CRCT1: variants seen among roughly 807,000 people sequenced by gnomAD.
CRCT1 encodes the protein cysteine rich C-terminal 1.
For synonymous variants in CRCT1, 86 were observed against 60.3 expected (o/e 1.43, Z -1.98); for missense variants, 160 against 136.3 (o/e 1.17, Z -0.87).
At chr1:152,515,302 A>G (rs147353021) in intron 1 of CRCT1, 60 bp from the exon 2 acceptor site, 1 of 1,380,074 alleles carries the variant, frequency 7.2e-7, no homozygotes, top group Non-Finnish European at 9.7e-7. Context: ...AAGCCCAGAC[A>G]GAGTTCCATT....
chr1:152,515,741 G>T lies in CRCT1; in HGVS notation c.*58G>T. ...AACCCGCCCAGCCCAGAGCGGGCCC[G>T]CCCCGCTGCGGCTCCCACGCGGGGC... On this transcript the variant is annotated 3_prime_UTR_variant, in exon 2 of 2. Transcript: ENST00000368790. 1 of 1,412,194 alleles carries T rather than the reference G, an allele frequency of 7.1e-7. No homozygotes were observed. The highest frequency in any genetic ancestry group is 1.6e-5 in the South Asian group (1 of 62,804). The allele number at this position is 1,412,194 out of a possible 1,614,324, so 87.5% of individuals were successfully genotyped here.
chr1:152,515,596 G>T lies in CRCT1; in HGVS notation c.213G>T (p.Arg71=). The change falls in exon 2 of 2, where the codon CGG becomes CGT. Residue 71 remains arginine (R), a synonymous_variant. Transcript: ENST00000368790. ...TCCCAAGGAGACGCCGCCGACAGCG[G>T]AGTAGTGGTTGCTGCTGCTGCGGGG... The part of the protein sequence containing the change: ...CCFPRRRRRQ[R]SSGCCCCGGG... The T allele has an allele frequency of 6.3e-7, 1 of 1,592,086 alleles. No homozygotes were observed. The highest frequency in any genetic ancestry group is 8.5e-7 in the Non-Finnish European group (1 of 1,174,274).
At chr1:152,514,865 C>A (rs979452583) in intron 1 of CRCT1, among the ~76,000 whole-genome samples, 1 of 152,116 alleles carries the variant, frequency 6.6e-6, no homozygotes, top group Admixed American at 6.5e-5. Context: ...GAGGCGTAGG[C>A]AAGAAAGAAT....
chr1:152,515,701 G>T lies in CRCT1; in HGVS notation c.*18G>T. The T allele has an allele frequency of 6.8e-7, 1 of 1,475,088 alleles. No individual in the cohort carries two copies. The allele number at this position is 1,475,088 out of a possible 1,614,324, so 91.4% of individuals were successfully genotyped here. A position where few individuals can be genotyped will look rare whatever the true frequency, so the allele number is the denominator to read the frequency against. On this transcript the variant is annotated 3_prime_UTR_variant, in exon 2 of 2. Transcript: ENST00000368790. The stretch of plus-strand genomic sequence containing the variant: ...GCTGCTGAGAGGCCCGCAACCCCCA[G>T]CGCTGCGCTAGAGAAACCCGCCCAG...
intron 1 of CRCT1, among the ~76,000 whole-genome samples, chr1:152,514,943 G>A (rs1658705697): frequency 1.3e-5 from 2 of 152,176 alleles, no homozygotes; most frequent in South Asian, 4.1e-4. Flanking sequence ...TTGGACTTGG[G>A]TGTTTTCTAA....
At position 152,515,849 on chromosome 1, in the gene CRCT1, T is replaced by C; in HGVS notation, c.*166T>C. 2 of 1,166,290 alleles carry C rather than the reference T, an allele frequency of 1.7e-6. No individual in the cohort carries two copies. The highest frequency in any genetic ancestry group is 2.0e-5 in the South Asian group (1 of 50,694). 72.2% of individuals were successfully genotyped at this position (1,166,290 alleles called of 1,614,324 possible). ...TTGTTCTCAGCCACGCAAAACTCCC[T>C]GACCCCGATGTGATTTTTCTCCCCG... On this transcript the variant is annotated 3_prime_UTR_variant, in exon 2 of 2. Transcript: ENST00000368790.
At position 152,515,779 on chromosome 1, in the gene CRCT1, T is replaced by A. The variant is rs1213081831; in HGVS notation, c.*96T>A. The A allele has an allele frequency of 1.4e-6, 2 of 1,415,168 alleles. No individual in the cohort carries two copies. Among genetic ancestry groups the A allele is most frequent in the Non-Finnish European group, 1.8e-6 (2 of 1,084,984 alleles). The allele number at this position is 1,415,168 out of a possible 1,614,324, so 87.7% of individuals were successfully genotyped here. A position where few individuals can be genotyped will look rare whatever the true frequency, so the allele number is the denominator to read the frequency against. Reference sequence around the variant, plus strand: ...TCCCACGCGGGGCTGGGCCTCGGAGTTTGCCCCGTAAAGCGAATTGCACTT... The same window carrying A: ...TCCCACGCGGGGCTGGGCCTCGGAGATTGCCCCGTAAAGCGAATTGCACTT... On this transcript the variant is annotated 3_prime_UTR_variant, in exon 2 of 2. Coordinates refer to ENST00000368790, the MANE Select transcript of CRCT1 (RefSeq NM_019060.3).
chr1:152,515,358 C>G lies in CRCT1; in HGVS notation c.-22-4C>G. 1 of 1,488,614 alleles carries G rather than the reference C, an allele frequency of 6.7e-7. No individual in the cohort carries two copies. The highest frequency in any genetic ancestry group is 8.9e-7 in the Non-Finnish European group (1 of 1,124,518). The allele number at this position is 1,488,614 out of a possible 1,614,324, so 92.2% of individuals were successfully genotyped here. A position where few individuals can be genotyped will look rare whatever the true frequency, so the allele number is the denominator to read the frequency against. On this transcript the variant is annotated splice_region_variant and splice_polypyrimidine_tract_variant and intron_variant, in intron 1 of 1. Coordinates refer to ENST00000368790, the MANE Select transcript of CRCT1 (RefSeq NM_019060.3). ...TCGCCTTTGAAAGGCTGCCTTTCTT[C>G]CAGGTTTGTCGTGAGGAGCTCCGCG...
intron 1 of CRCT1, 113 bp downstream of exon 1, chr1:152,514,665 C>G (rs1305651869): frequency 1.3e-5 from 2 of 152,232 alleles, no homozygotes; most frequent in African/African-American, 4.8e-5. Flanking sequence ...CCGCAAGGCA[C>G]CTACGCTTCT....
In CRCT1 at chr1:152,515,363, T is replaced by G; in HGVS notation, c.-21T>G. ...TTTGAAAGGCTGCCTTTCTTCCAGG[T>G]TTGTCGTGAGGAGCTCCGCGATGTC... is the stretch of plus-strand genomic sequence containing the variant. On this transcript the variant is annotated splice_region_variant and 5_prime_UTR_variant, in exon 2 of 2. Coordinates refer to ENST00000368790, the MANE Select transcript of CRCT1 (RefSeq NM_019060.3). 1 of 1,492,000 alleles carries G rather than the reference T, an allele frequency of 6.7e-7. No homozygotes were observed. The highest frequency in any genetic ancestry group is 2.4e-5 in the East Asian group (1 of 41,796). The allele number at this position is 1,492,000 out of a possible 1,614,324, so 92.4% of individuals were successfully genotyped here. A position where few individuals can be genotyped will look rare whatever the true frequency, so the allele number is the denominator to read the frequency against.
chr1:152,515,748 T>G lies in CRCT1; in HGVS notation c.*65T>G. ...CCAGCCCAGAGCGGGCCCGCCCCGC[T>G]GCGGCTCCCACGCGGGGCTGGGCCT... On this transcript the variant is annotated 3_prime_UTR_variant, in exon 2 of 2. Transcript: ENST00000368790. 1 of 1,411,138 alleles carries G rather than the reference T, an allele frequency of 7.1e-7. No homozygotes were observed. Among genetic ancestry groups the G allele is most frequent in the South Asian group, 1.6e-5 (1 of 62,644 alleles). 87.4% of individuals were successfully genotyped at this position (1,411,138 alleles called of 1,614,324 possible).
rs767989079 is a variant in CRCT1, at chr1:152,515,473, C to T, written c.90C>T (p.Thr30=). Residue 30 remains threonine, a synonymous_variant, in exon 2 of 2, where the codon ACC becomes ACT. Coordinates refer to ENST00000368790, the MANE Select transcript of CRCT1 (RefSeq NM_019060.3). ...CTCCGTGTCCCGCCCCGGCGCCCACCCCGGCGCCCGCCTCCTCCTCCTCCT... is the reference window on the plus strand; with the variant it reads ...CTCCGTGTCCCGCCCCGGCGCCCACTCCGGCGCCCGCCTCCTCCTCCTCCT... ...GPAPCPAPAP[T]PAPASSSSCC... is the part of the protein sequence containing the mutation. 1.2e-6 allele frequency: 2 copies of T among 1,601,128 alleles called. No individual in the cohort carries two copies. Among genetic ancestry groups the T allele is most frequent in the Non-Finnish European group, 1.7e-6 (2 of 1,176,620 alleles).
Position 152,515,637 on chromosome 1 carries a change from C to T in CRCT1, c.254C>T (p.Ser85Phe). 6.3e-7 allele frequency: 1 copy of T among 1,576,962 alleles called. No individual in the cohort carries two copies. The highest frequency in any genetic ancestry group is 1.8e-5 in the Admixed American group (1 of 56,556). The change falls in exon 2 of 2, where the codon TCC becomes TTC. Residue 85 changes from serine (S) to phenylalanine (F), a missense_variant. Coordinates refer to ENST00000368790, the MANE Select transcript of CRCT1 (RefSeq NM_019060.3). ...CCCCGGGSQR[S>F]QRSNNRSSGC... is the part of the protein sequence containing the mutation. ...TGCTGCGGGGGCGGCAGCCAGAGGT[C>T]CCAGCGCTCCAACAACCGGAGCTCA...
intron 1 of CRCT1, among the ~76,000 whole-genome samples, chr1:152,514,918 A>G (rs538991878): frequency 3.3e-5 from 5 of 152,326 alleles, no homozygotes; most frequent in African/African-American, 9.6e-5. Flanking sequence ...TAGACCCAGC[A>G]GGTGGGACCG....
chr1:152,515,154 T>C (rs1272186976), intron 1 of CRCT1, among the ~76,000 whole-genome samples: 1 of 152,190 alleles, frequency 6.6e-6, no homozygotes. Context: ...ATTCATTGCA[T>C]GGATTGTGTC....
chr1:152,515,534 G>GGCTGCTGCGGCTCCAGCTCCACCAGTT lies in CRCT1; in HGVS notation c.160_186dup (p.Gly54_Cys62dup). The GGCTGCTGCGGCTCCAGCTCCACCAGTT allele has an allele frequency of 1.3e-6, 2 of 1,595,856 alleles. No homozygotes were observed. The highest frequency in any genetic ancestry group is 8.5e-7 in the Non-Finnish European group (1 of 1,176,680). Reference sequence around the variant, plus strand: ...CGGCAGGGGCTGCTGCGGCGACTCAGGCTGCTGCGGCTCCAGCTCCACCAG... The same window carrying GGCTGCTGCGGCTCCAGCTCCACCAGTT: ...CGGCAGGGGCTGCTGCGGCGACTCAGGCTGCTGCGGCTCCAGCTCCACCAGTTGCTGCTGCGGCTCCAGCTCCACCAG... On this transcript the variant is annotated inframe_insertion, in exon 2 of 2. Transcript: ENST00000368790.
chr1:152,515,368 C>T lies in CRCT1; in HGVS notation c.-16C>T, dbSNP rs373476767. The stretch of plus-strand genomic sequence containing the variant: ...AAGGCTGCCTTTCTTCCAGGTTTGT[C>T]GTGAGGAGCTCCGCGATGTCCTCTC... On this transcript the variant is annotated 5_prime_UTR_variant, in exon 2 of 2. Transcript: ENST00000368790. 3 of 1,501,662 alleles carry T rather than the reference C, an allele frequency of 2.0e-6. No individual in the cohort carries two copies. The highest frequency in any genetic ancestry group is 1.4e-5 in the African/African-American group (1 of 70,456). 93.0% of individuals were successfully genotyped at this position (1,501,662 alleles called of 1,614,324 possible).
In CRCT1 at chr1:152,515,674, C is replaced by T. The variant is rs776938980; in HGVS notation, c.291C>T (p.Ser97=). 1 of 1,526,490 alleles carries T rather than the reference C, an allele frequency of 6.6e-7. No individual in the cohort carries two copies. Among genetic ancestry groups the T allele is most frequent in the Non-Finnish European group, 8.8e-7 (1 of 1,136,416 alleles). The allele number at this position is 1,526,490 out of a possible 1,614,324, so 94.6% of individuals were successfully genotyped here. The change falls in exon 2 of 2, where the codon TCC becomes TCT. Residue 97 remains serine (S), a synonymous_variant. Coordinates refer to ENST00000368790, the MANE Select transcript of CRCT1 (RefSeq NM_019060.3). ...RSNNRSSGCC[S]GC ...ACAACCGGAGCTCAGGATGCTGCTCCGGCTGCTGAGAGGCCCGCAACCCCC... is the reference window on the plus strand; with the variant it reads ...ACAACCGGAGCTCAGGATGCTGCTCTGGCTGCTGAGAGGCCCGCAACCCCC...
At position 152,515,596 on chromosome 1, in the gene CRCT1, G is replaced by A. The variant is rs1658729239; in HGVS notation, c.213G>A (p.Arg71=). The A allele has an allele frequency of 1.9e-6, 3 of 1,592,086 alleles. No individual in the cohort carries two copies. Among genetic ancestry groups the A allele is most frequent in the South Asian group, 1.1e-5 (1 of 89,092 alleles). The part of the protein sequence containing the change: ...CCFPRRRRRQ[R]SSGCCCCGGG... ...TCCCAAGGAGACGCCGCCGACAGCG[G>A]AGTAGTGGTTGCTGCTGCTGCGGGG... The change falls in exon 2 of 2, where the codon CGG becomes CGA. Residue 71 remains arginine, a synonymous_variant. Coordinates refer to ENST00000368790, the MANE Select transcript of CRCT1 (RefSeq NM_019060.3).
Sources: allele counts gnomAD v4.1 joint callset (sites outside exome capture counted in the v4.1 genomes callset), GRCh38; gene constraint gnomAD v4.1.1; transcripts MANE v1.5; gene names NCBI Gene and HGNC (gene_info 2026-07-23, HGNC 2026-07-21).